The following THBS1 variants were observed in gnomAD, a reference collection of about 807,000 sequenced individuals.
THBS1 encodes the protein thrombospondin 1, also known as thrombospondin-1.
A neutral mutation model predicts 126.1 loss-of-function variants in THBS1; 29 were observed. The ratio of observed to expected loss-of-function variants is 0.23; its 90% CI spans 0.17 to 0.31. The LOEUF is 0.31. THBS1 is among the 10% of genes least tolerant of loss of function. The pLI, the probability that THBS1 is intolerant of heterozygous loss-of-function variation, is 1.00. For synonymous variants in THBS1, 496 were observed against 577.8 expected (o/e 0.86, Z 2.03); for missense variants, 1,198 against 1,545.2 (o/e 0.78, Z 3.77).
chr15:39,584,337 G>A lies in THBS1; in HGVS notation c.941G>A (p.Arg314Gln), dbSNP rs756120191. ...ENKELANELR[R>Q]PPLCYHNGVQ... ...AAAGAGTTGGCCAATGAGCTGAGGC[G>A]GCCTCCCCTATGCTATCACAACGGA... Residue 314 changes from arginine (R) to glutamine (Q), a missense_variant, in exon 6 of 22, where the codon CGG becomes CAG. Arg to Gln is a conservative substitution (Grantham distance 43). Transcript: ENST00000260356. The A allele has an allele frequency of 5.6e-6, 9 of 1,614,070 alleles. No individual in the cohort carries two copies. Among genetic ancestry groups the A allele is most frequent in the Admixed American group, 3.3e-5 (2 of 60,006 alleles).
chr15:39,589,193 C>A lies in THBS1; in HGVS notation c.1774-9C>A. 5 of 1,614,036 alleles carry A rather than the reference C, an allele frequency of 3.1e-6. No individual in the cohort carries two copies. The highest frequency in any genetic ancestry group is 1.1e-5 in the South Asian group (1 of 91,060). ...CTAAACATGATGCACGCTCTTATTT[C>A]CTCCATAGTGCAAAGAAGTGCCTGA... On this transcript the variant is annotated splice_polypyrimidine_tract_variant and intron_variant, in intron 11 of 21. Transcript: ENST00000260356. The surrounding 1 kb of genome is among the most constrained non-coding windows in gnomAD (Gnocchi z 4.7).
chr15:39,587,235 A>G, intron 7 of THBS1, 112 bp from the exon 8 acceptor site: 2 of 1,067,920 alleles, frequency 1.9e-6, no homozygotes, highest in Non-Finnish European at 2.6e-6. Context: ...CCAAAAAGAA[A>G]TAAATATATT....
chr15:39,582,629 C>G lies in THBS1; in HGVS notation c.504C>G (p.Tyr168Ter). The G allele has an allele frequency of 6.2e-7, 1 of 1,614,082 alleles. No homozygotes were observed. Among genetic ancestry groups the G allele is most frequent in the East Asian group, 2.2e-5 (1 of 44,886 alleles). The stretch of plus-strand genomic sequence containing the variant: ...TGCAGGAAGACAGGGCCCAGCTGTA[C>G]ATCGACTGTGAAAAGATGGAGAATG... ...LFVQEDRAQLYIDCEKMENAE... is the reference protein window; with the variant it reads ...LFVQEDRAQL The change falls in exon 3 of 22, where the codon TAC becomes TAG. Residue 168 changes from tyrosine to a stop codon, truncating the protein, a stop_gained. Transcript: ENST00000260356. LOFTEE classifies it high-confidence loss of function.
At position 39,595,528 on chromosome 15, in the gene THBS1, A is replaced by G. The variant is rs2140352484; in HGVS notation, c.*159A>G. The stretch of plus-strand genomic sequence containing the variant: ...ACTCCTAGAACGTGCGACCTGCCTC[A>G]AGAAAATGCAGTTTTCAAAAACAGA... On this transcript the variant is annotated 3_prime_UTR_variant, in exon 22 of 22. Transcript: ENST00000260356. The G allele has an allele frequency of 1.1e-6, 1 of 911,966 alleles. No individual in the cohort carries two copies. Among genetic ancestry groups the G allele is most frequent in the East Asian group, 2.7e-5 (1 of 37,502 alleles). 56.5% of individuals were successfully genotyped at this position (911,966 alleles called of 1,614,324 possible). A position where few individuals can be genotyped will look rare whatever the true frequency, so the allele number is the denominator to read the frequency against.
intron 6 of THBS1, among the ~76,000 whole-genome samples, chr15:39,585,195 G>A (rs1435106662): frequency 6.6e-6 from 1 of 152,158 alleles, no homozygotes; most frequent in Non-Finnish European, 1.5e-5. Context: ...TGGTTCCTCT[G>A]CTATAAATTC....
chr15:39,582,159 G>A (rs188335688), intron 2 of THBS1, 34 bp from the exon 3 acceptor site: 7 of 1,553,560 alleles, frequency 4.5e-6, no homozygotes, highest in Non-Finnish European at 6.1e-6. Context: ...TCCCAGCCTA[G>A]AAAGCTCACT....
intron 9 of THBS1, 150 bp from the exon 10 acceptor site, chr15:39,588,376 T>G: frequency 1.5e-6 from 2 of 1,310,250 alleles, no homozygotes; most frequent in Non-Finnish European, 2.1e-6. Context: ...AGCAACTTCT[T>G]TTAATGAAAA....
chr15:39,593,929 G>A lies in THBS1; in HGVS notation c.3268-170G>A. ...TCCCTCCTCTCTGTCTGCTTTATAT[G>A]TGTGCTCAGTGGCACACAACAAATA... On this transcript the variant is annotated intron_variant, in intron 19 of 21. Transcript: ENST00000260356. This position sits in a 1 kb window ranked among gnomAD's most constrained non-coding sequence, Gnocchi z 5.9. The A allele has an allele frequency of 1.1e-6, 1 of 871,232 alleles. No individual in the cohort carries two copies. Among genetic ancestry groups the A allele is most frequent in the Admixed American group, 2.9e-5 (1 of 34,320 alleles). 54.0% of individuals were successfully genotyped at this position (871,232 alleles called of 1,614,324 possible).
rs1309547794 is a variant in THBS1 at position 39,595,781 on chromosome 15, C to G, written c.*412C>G. ...ACTCACTAGAATTAGCAAACAAAACCACCCTGACATCCTCCTTCAGGAACA... is the reference window on the plus strand; with the variant it reads ...ACTCACTAGAATTAGCAAACAAAACGACCCTGACATCCTCCTTCAGGAACA... On this transcript the variant is annotated 3_prime_UTR_variant, in exon 22 of 22. Coordinates refer to ENST00000260356, the MANE Select transcript of THBS1 (RefSeq NM_003246.4). The G allele has an allele frequency of 2.1e-6, 1 of 465,958 alleles. No individual in the cohort carries two copies. Among genetic ancestry groups the G allele is most frequent in the African/African-American group, 2.0e-5 (1 of 50,586 alleles). 28.9% of individuals were successfully genotyped at this position (465,958 alleles called of 1,614,324 possible).
chr15:39,588,168 G>A lies in THBS1; in HGVS notation c.1421G>A (p.Cys474Tyr). 1 of 1,614,214 alleles carries A rather than the reference G, an allele frequency of 6.2e-7. No individual in the cohort carries two copies. The highest frequency in any genetic ancestry group is 8.5e-7 in the Non-Finnish European group (1 of 1,180,042). Residue 474 changes from cysteine to tyrosine, a missense_variant, in exon 9 of 22, where the codon TGT becomes TAT. Physicochemically the swap from Cys to Tyr is radical, Grantham distance 194. Around this residue, in one of 4 missense-constraint regions of THBS1, gnomAD observed 663 missense variants for 860.1 expected, o/e 0.77. Transcript: ENST00000260356. Reference protein sequence around the residue: ...SPSPQMNGKPCEGEARETKAC... With the variant: ...SPSPQMNGKPYEGEARETKAC... Reference sequence around the variant, plus strand: ...AGCCCCCAGATGAACGGGAAACCCTGTGAAGGCGAAGCGCGGGAGACCAAA... The same window carrying A: ...AGCCCCCAGATGAACGGGAAACCCTATGAAGGCGAAGCGCGGGAGACCAAA...
chr15:39,594,682 C>G lies in THBS1; in HGVS notation c.3505+242C>G, dbSNP rs747372317. The stretch of plus-strand genomic sequence containing the variant: ...ATCTCTGTGCTCCTCATACACAGTG[C>G]AAAGGTAAGCTGCAGAAAAGCTCCT... On this transcript the variant is annotated intron_variant, in intron 21 of 21. Coordinates refer to ENST00000260356, the MANE Select transcript of THBS1 (RefSeq NM_003246.4). This position sits in a 1 kb window ranked among gnomAD's most constrained non-coding sequence, Gnocchi z 4.4. 2.6e-5 allele frequency among the ~76,000 whole-genome samples: 4 copies of G among 152,178 alleles called. No individual in the cohort carries two copies. The highest frequency in any genetic ancestry group is 4.4e-5 in the Non-Finnish European group (3 of 68,036).
chr15:39,597,013 C>A lies in THBS1; in HGVS notation c.*1644C>A, dbSNP rs192908048. ...TGTTGTACATAGCATAAAAACTCTG[C>A]AGAGAAGTATTCCCAATAAGGAAAT... On this transcript the variant is annotated 3_prime_UTR_variant, in exon 22 of 22. Transcript: ENST00000260356. The A allele has an allele frequency of 5.8e-4, 88 of 152,248 alleles. No individual in the cohort carries two copies. Among genetic ancestry groups the A allele is most frequent in the African/African-American group, 2.1e-3 (88 of 41,554 alleles). The allele number at this position is 152,248 out of a possible 1,614,324, so 9.4% of individuals were successfully genotyped here. A position where few individuals can be genotyped will look rare whatever the true frequency, so the allele number is the denominator to read the frequency against.
In THBS1 at chr15:39,582,758, GCTT is replaced by G. The variant is rs1890137401; in HGVS notation, c.627+12_627+14del. On this transcript the variant is annotated splice_region_variant and intron_variant, in intron 3 of 21. Coordinates refer to ENST00000260356, the MANE Select transcript of THBS1 (RefSeq NM_003246.4). ...GCGTCAATGACAATTTCCAGGTGAGGCTTCTTCTCTGAGCCCTGCTCCGTGGGA... is the reference window on the plus strand; with the variant it reads ...GCGTCAATGACAATTTCCAGGTGAGGCTTCTCTGAGCCCTGCTCCGTGGGA... The G allele has an allele frequency of 6.3e-6, 10 of 1,599,750 alleles. No individual in the cohort carries two copies. The highest frequency in any genetic ancestry group is 8.5e-6 in the Non-Finnish European group (10 of 1,173,840).
At chr15:39,591,755 TG>T (rs35538798) in intron 16 of THBS1, 132 bp downstream of exon 16, 1 of 795,348 alleles carries the variant, frequency 1.3e-6, no homozygotes, top group African/African-American at 1.7e-5. Flanking sequence ...CATAGCCAAC[TG>T]GAATACGTTC....
In THBS1 at chr15:39,592,543, C is replaced by G; in HGVS notation, c.2533-25C>G. 1.3e-6 allele frequency: 2 copies of G among 1,575,008 alleles called. No homozygotes were observed. The highest frequency in any genetic ancestry group is 1.7e-6 in the Non-Finnish European group (2 of 1,153,482). On this transcript the variant is annotated intron_variant, in intron 16 of 21. Coordinates refer to ENST00000260356, the MANE Select transcript of THBS1 (RefSeq NM_003246.4). The surrounding 1 kb of genome is among the most constrained non-coding windows in gnomAD (Gnocchi z 4.3). ...CATGAATGGTTTATACTGCAATTTA[C>G]CCTCCATTTACATCTCTCTTTCAGC...
rs767135561 is a variant in THBS1 at position 39,582,491 on chromosome 15, T to C, written c.366T>C (p.Asn122=). 2 of 1,613,954 alleles carry C rather than the reference T, an allele frequency of 1.2e-6. No homozygotes were observed. The change falls in exon 3 of 22, where the codon AAT becomes AAC. Residue 122 remains asparagine, a synonymous_variant. Transcript: ENST00000260356. ...HSGQVFSVVS[N]GKAGTLDLSL... is the part of the protein sequence containing the mutation. ...GCCAGGTCTTCAGCGTGGTGTCCAA[T>C]GGCAAGGCGGGCACCCTGGACCTCA...
At position 39,594,696 on chromosome 15, in the gene THBS1, A is replaced by G. The variant is rs1890398534; in HGVS notation, c.3505+256A>G. On this transcript the variant is annotated intron_variant, in intron 21 of 21. Coordinates refer to ENST00000260356, the MANE Select transcript of THBS1 (RefSeq NM_003246.4). This position sits in a 1 kb window ranked among gnomAD's most constrained non-coding sequence, Gnocchi z 4.4. ...CATACACAGTGCAAAGGTAAGCTGC[A>G]GAAAAGCTCCTATATAATTTGGACT... Among the ~76,000 whole-genome samples the G allele has an allele frequency of 6.6e-6, 1 of 152,248 alleles. No individual in the cohort carries two copies. The highest frequency in any genetic ancestry group is 1.5e-5 in the Non-Finnish European group (1 of 68,038).
In THBS1 at chr15:39,585,465, T is replaced by G. The variant is rs1351977526; in HGVS notation, c.1027-5T>G. On this transcript the variant is annotated splice_region_variant and splice_polypyrimidine_tract_variant and intron_variant, in intron 6 of 21. Coordinates refer to ENST00000260356, the MANE Select transcript of THBS1 (RefSeq NM_003246.4). The stretch of plus-strand genomic sequence containing the variant: ...CTGTTCCCCTCTCACTCTCTTGCCC[T>G]GCAGAACTCAGTTACCATCTGCAAA... The G allele has an allele frequency of 1.2e-6, 2 of 1,613,982 alleles. No homozygotes were observed. Among genetic ancestry groups the G allele is most frequent in the South Asian group, 2.2e-5 (2 of 91,078 alleles).
chr15:39,589,686 C>T lies in THBS1; in HGVS notation c.1927-119C>T, dbSNP rs1208234277. Reference sequence around the variant, plus strand: ...AGAATGGGGAGGGACAGAGGTAACCCACACTCTTCCAAATGGAGCCTCTGT... The same window carrying T: ...AGAATGGGGAGGGACAGAGGTAACCTACACTCTTCCAAATGGAGCCTCTGT... On this transcript the variant is annotated intron_variant, in intron 12 of 21. Transcript: ENST00000260356. The surrounding 1 kb of genome is among the most constrained non-coding windows in gnomAD (Gnocchi z 4.7). 3.6e-6 allele frequency: 4 copies of T among 1,117,412 alleles called. No homozygotes were observed. The African/African-American group carries it at 6.3e-5, about 18-fold the overall frequency. 69.2% of individuals were successfully genotyped at this position (1,117,412 alleles called of 1,614,324 possible).
Sources: gnomAD v4.1 joint callset for allele counts (sites outside exome capture counted in the v4.1 genomes callset) on GRCh38, gnomAD v4.1.1 for gene constraint, gnomAD v4.1.1 regional missense constraint, Gnocchi (gnomAD v3.1) non-coding constraint, MANE v1.5 for transcripts, NCBI Gene and HGNC (gene_info 2026-07-23, HGNC 2026-07-21) for gene names.